The following ERC1 variants were observed in gnomAD, a reference collection of about 807,000 sequenced individuals.
ERC1 encodes the protein RAB6 interacting protein 2.
A neutral mutation model predicts 132.0 loss-of-function variants in ERC1; 56 were observed. The observed-to-expected ratio is 0.42, with a 90% CI of 0.34 to 0.53. ERC1 has a LOEUF of 0.53. Among genes scored for constraint, ERC1 ranks in the 20% least tolerant of loss-of-function variants. The pLI is 0.03. For synonymous variants in ERC1, 478 were observed against 476.1 expected, an observed-to-expected ratio of 1.00 and a Z score of -0.05; for missense variants, 1,202 against 1,349.9, an observed-to-expected ratio of 0.89 and a Z score of 1.72.
intron 12 of ERC1, among the ~76,000 whole-genome samples, chr12:1,230,288 C>T (rs748295649): frequency 3.3e-5 from 5 of 152,090 alleles, no homozygotes; most frequent in Non-Finnish European, 7.4e-5. Context: ...CGTGAGCCAC[C>T]GCGCTTGGCC....
chr12:1,205,372 T>G (rs1594208937), intron 12 of ERC1, among the ~76,000 whole-genome samples: 3 of 150,300 alleles, frequency 2.0e-5, no homozygotes, highest in African/African-American at 7.4e-5. Context: ...TATATATGTG[T>G]GTGTGTGTAT....
chr12:1,204,098 TG>T (rs1406971786), intron 12 of ERC1: 5 of 163,476 alleles, frequency 3.1e-5, no homozygotes, highest in Admixed American at 1.8e-4. Flanking sequence ...AGTTATAAGG[TG>T]GGTGTCTATA....
At chr12:1,110,423 G>A in intron 5 of ERC1, 76 bp downstream of exon 5, 1 of 1,220,202 alleles carries the variant, frequency 8.2e-7, no homozygotes, top group Non-Finnish European at 1.1e-6. Flanking sequence ...CTCTAGTGAT[G>A]ATAAAGCCGT....
intron 17 of ERC1, among the ~76,000 whole-genome samples, chr12:1,424,847 TA>T (rs1229262623): frequency 2.7e-3 from 293 of 109,804 alleles, no homozygotes; most frequent in African/African-American, 5.7e-3. Flanking sequence ...AGATAGATGA[TA>T]GATAGATAGA....
intron 16 of ERC1, among the ~76,000 whole-genome samples, chr12:1,401,361 A>C (rs1351540184): frequency 6.6e-6 from 1 of 152,184 alleles, no homozygotes; most frequent in Admixed American, 6.5e-5. Context: ...TGTAGCAAAT[A>C]AAGGGGAGGG....
intron 14 of ERC1, among the ~76,000 whole-genome samples, chr12:1,271,029 A>G (rs1352104929): frequency 6.6e-6 from 1 of 152,200 alleles, no homozygotes; most frequent in Non-Finnish European, 1.5e-5. Context: ...CTTTTTTAAA[A>G]AACAGTCTTT....
chr12:1,028,706 G>C, intron 2 of ERC1, 134 bp downstream of exon 2: 1 of 785,928 alleles, frequency 1.3e-6, no homozygotes, highest in Non-Finnish European at 2.0e-6. Flanking sequence ...TTACTGTTTT[G>C]TGTCCTCCAT....
At chr12:1,132,167 T>C (rs1328787125) in intron 7 of ERC1, among the ~76,000 whole-genome samples, 1 of 152,216 alleles carries the variant, frequency 6.6e-6, no homozygotes, top group Non-Finnish European at 1.5e-5. Flanking sequence ...AAGTGGTTTT[T>C]GTGGTGGTTT....
chr12:1,192,078 C>A (rs1347812701), intron 12 of ERC1, among the ~76,000 whole-genome samples: 1 of 152,148 alleles, frequency 6.6e-6, no homozygotes, highest in African/African-American at 2.4e-5. Flanking sequence ...TTTGTAAATT[C>A]CAGATCAATT....
At chr12:1,449,816 T>G (rs1014376536) in intron 18 of ERC1, among the ~76,000 whole-genome samples, 1 of 152,166 alleles carries the variant, frequency 6.6e-6, no homozygotes, top group African/African-American at 2.4e-5. Context: ...ATCTTTATAT[T>G]TATTTGTTTC....
chr12:1,298,772 A>G (rs1221584951), intron 15 of ERC1, among the ~76,000 whole-genome samples: 1 of 147,820 alleles, frequency 6.8e-6, no homozygotes. Flanking sequence ...ACTAGATTAG[A>G]AAAAAAAAAG....
chr12:1,488,743 G>A (rs1479456783), intron 18 of ERC1, among the ~76,000 whole-genome samples: 2 of 151,950 alleles, frequency 1.3e-5, no homozygotes, highest in Admixed American at 1.3e-4. Flanking sequence ...TGTCTCCTTC[G>A]TTCTTGGTCT....
intron 2 of ERC1, among the ~76,000 whole-genome samples, chr12:1,072,761 C>T (rs1173003100): frequency 6.6e-6 from 1 of 152,142 alleles, no homozygotes; most frequent in East Asian, 1.9e-4. Flanking sequence ...GGTGCGATCT[C>T]GGCTCACTGC....
Position 1,492,661 on chromosome 12 carries a change from G to A in ERC1, c.*2431G>A, listed in dbSNP as rs904479767. On this transcript the variant is annotated 3_prime_UTR_variant, in exon 19 of 19. Coordinates refer to ENST00000360905, the MANE Select transcript of ERC1 (RefSeq NM_178040.4). Reference sequence around the variant, plus strand: ...TCTGAGAAGAAGCATTTCCGGGACCGATATCATCTGTCTGGTCTCTGTGAA... The same window carrying A: ...TCTGAGAAGAAGCATTTCCGGGACCAATATCATCTGTCTGGTCTCTGTGAA... 2.6e-5 allele frequency: 6 copies of A among 232,784 alleles called. No homozygotes were observed. The highest frequency in any genetic ancestry group is 1.8e-4 in the South Asian group (1 of 5,528). The allele number at this position is 232,784 out of a possible 1,614,324, so 14.4% of individuals were successfully genotyped here.
At chr12:1,352,342 G>A (rs1196231710) in intron 15 of ERC1, among the ~76,000 whole-genome samples, 2 of 152,134 alleles carry the variant, frequency 1.3e-5, no homozygotes, top group East Asian at 1.9e-4. Flanking sequence ...AGAGACTGCC[G>A]TTTTAATTGA....
chr12:1,243,332 A>G (rs1028429018), intron 13 of ERC1, among the ~76,000 whole-genome samples: 1 of 152,062 alleles, frequency 6.6e-6, no homozygotes, highest in African/African-American at 2.4e-5. Context: ...ATTCCAGGGG[A>G]GTGTTAGAAC....
intron 15 of ERC1, among the ~76,000 whole-genome samples, chr12:1,320,943 C>T (rs958582371): frequency 5.3e-5 from 8 of 152,168 alleles, no homozygotes; most frequent in Non-Finnish European, 1.2e-4. Context: ...CCTCGTGATC[C>T]GCCTGCCTCA....
chr12:1,160,521 G>A (rs1951790599), intron 8 of ERC1, among the ~76,000 whole-genome samples: 2 of 151,902 alleles, frequency 1.3e-5, no homozygotes, highest in African/African-American at 2.4e-5. Context: ...GATCACCTGA[G>A]GTCAGGAGCT....
intron 16 of ERC1, among the ~76,000 whole-genome samples, chr12:1,400,901 T>G (rs947910496): frequency 6.8e-5 from 10 of 146,642 alleles, no homozygotes; most frequent in Non-Finnish European, 1.2e-4. Flanking sequence ...TCAATATTGT[T>G]TTGGCTATTT....
Sources: allele counts gnomAD v4.1 joint callset (sites outside exome capture counted in the v4.1 genomes callset), GRCh38; gene constraint gnomAD v4.1.1; transcripts MANE v1.5; gene names NCBI Gene and HGNC (gene_info 2026-07-23, HGNC 2026-07-21).